The following ANK2 variants were observed in gnomAD, a reference collection of about 807,000 sequenced individuals.
ANK2 encodes ankyrin 2.
In ANK2, 83 loss-of-function variants were observed where a neutral mutation model predicts 360.5. The ratio of observed to expected loss-of-function variants is 0.23; its 90% CI spans 0.19 to 0.28. ANK2 has a LOEUF of 0.28. ANK2 is among the 10% of genes least tolerant of loss of function. The pLI, the probability that ANK2 is intolerant of heterozygous loss-of-function variation, is 1.00. For synonymous variants in ANK2, 1,740 were observed against 1,759.5 expected (o/e 0.99, Z 0.28); for missense variants, 4,201 against 4,795.7 (o/e 0.88, Z 3.66).
At chr4:112,895,177 G>T (rs906212791) in intron 1 of ANK2, among the ~76,000 whole-genome samples, 1 of 152,142 alleles carries the variant, frequency 6.6e-6, no homozygotes. Flanking sequence ...AATTTTTGTT[G>T]TGGTAAGCAT....
intron 1 of ANK2, among the ~76,000 whole-genome samples, chr4:112,878,160 A>ATCTATCTATCTATCTG (rs1385147100): frequency 6.6e-6 from 1 of 151,422 alleles, no homozygotes; most frequent in East Asian, 1.9e-4. Flanking sequence ...AGACTCATCT[A>ATCTATCTATCTATCTG]TCTATCTATC....
chr4:112,859,821 A>G (rs183704712), intron 1 of ANK2, among the ~76,000 whole-genome samples: 4 of 152,290 alleles, frequency 2.6e-5, no homozygotes, highest in Admixed American at 2.6e-4. Flanking sequence ...TTGTTTCCTG[A>G]ATTGATAACC....
intron 2 of ANK2, among the ~76,000 whole-genome samples, chr4:112,958,199 C>G (rs552592132): frequency 1.1e-3 from 163 of 152,066 alleles, no homozygotes; most frequent in Non-Finnish European, 1.9e-3. Flanking sequence ...GGGTGGCGGC[C>G]GGGCAGAGGC....
At chr4:113,321,446 C>A (rs1039142161) in intron 26 of ANK2, among the ~76,000 whole-genome samples, 2 of 152,138 alleles carry the variant, frequency 1.3e-5, no homozygotes, top group African/African-American at 4.8e-5. Flanking sequence ...TCTCTATTAG[C>A]GTCTCCAGTG....
In ANK2 at chr4:113,381,532, G is replaced by C. The variant is rs1309741411; in HGVS notation, c.*61G>C. On this transcript the variant is annotated 3_prime_UTR_variant, in exon 46 of 46. Coordinates refer to ENST00000357077, the MANE Select transcript of ANK2 (RefSeq NM_001148.6). Reference sequence around the variant, plus strand: ...AGCATGGAAAACGCATTGACTTGGAGCACCTGGAGGATGTACCAGAAGCAC... The same window carrying C: ...AGCATGGAAAACGCATTGACTTGGACCACCTGGAGGATGTACCAGAAGCAC... 5 of 1,613,548 alleles carry C rather than the reference G, an allele frequency of 3.1e-6. No homozygotes were observed. In the East Asian group the frequency reaches 1.1e-4, roughly 36 times the overall value.
intron 2 of ANK2, among the ~76,000 whole-genome samples, chr4:112,941,001 C>T (rs1054041779): frequency 1.3e-5 from 2 of 151,976 alleles, no homozygotes; most frequent in Non-Finnish European, 2.9e-5. Flanking sequence ...AAGATTCTGG[C>T]ATTTTTAAAG....
At chr4:112,904,379 A>T in intron 1 of ANK2, 1 of 873,636 alleles carries the variant, frequency 1.1e-6, no homozygotes, top group Non-Finnish European at 1.7e-6. Flanking sequence ...TTTTGATTTG[A>T]AATATGGAAA....
At chr4:113,136,221 A>G (rs960601551) in intron 1 of ANK2, among the ~76,000 whole-genome samples, 1 of 152,228 alleles carries the variant, frequency 6.6e-6, no homozygotes, top group African/African-American at 2.4e-5. Context: ...CAATTAAAAT[A>G]CAGGGTAACA....
intron 1 of ANK2, among the ~76,000 whole-genome samples, chr4:112,884,026 G>T (rs2077564948): frequency 6.6e-6 from 1 of 151,798 alleles, no homozygotes; most frequent in Non-Finnish European, 1.5e-5. Flanking sequence ...GCCAAATTTG[G>T]TCTCATAGCA....
rs1231179837 is a variant in ANK2 at position 113,331,908 on chromosome 4, G to T, written c.3126-64G>T. The T allele has an allele frequency of 2.0e-6, 3 of 1,463,852 alleles. No individual in the cohort carries two copies. The African/African-American group carries it at 4.2e-5, about 20-fold the overall frequency. The allele number at this position is 1,463,852 out of a possible 1,614,324, so 90.7% of individuals were successfully genotyped here. On this transcript the variant is annotated intron_variant, in intron 27 of 45. Transcript: ENST00000357077. ...GATCAGCTGGCGACGCTGGGGTTCT[G>T]TGGAAGACAATACCTGAAGCTTACC...
chr4:113,196,901 C>A (rs370193675), intron 3 of ANK2, among the ~76,000 whole-genome samples: 1 of 152,294 alleles, frequency 6.6e-6, no homozygotes, highest in Non-Finnish European at 1.5e-5. Context: ...AAAATTAAAA[C>A]CCCCTCCATT....
At chr4:112,866,746 C>T (rs559500921) in intron 1 of ANK2, among the ~76,000 whole-genome samples, 19 of 151,808 alleles carry the variant, frequency 1.3e-4, no homozygotes, top group African/African-American at 3.4e-4. Context: ...TAAATTTTTT[C>T]TTAGAAGTGA....
In ANK2 at chr4:113,169,899, A is replaced by G. The variant is rs1398250581; in HGVS notation, c.85-4517A>G. Among the ~76,000 whole-genome samples, 10 of 152,318 alleles carry G rather than the reference A, an allele frequency of 6.6e-5. No individual in the cohort carries two copies. The East Asian group carries it at 1.9e-3, about 29-fold the overall frequency. On this transcript the variant is annotated intron_variant, in intron 1 of 45. Coordinates refer to ENST00000357077, the MANE Select transcript of ANK2 (RefSeq NM_001148.6). Reference sequence around the variant, plus strand: ...CATAAATTTAATACAATGAATGGAAATGTCTGAAACTAAATTTAACATATT... The same window carrying G: ...CATAAATTTAATACAATGAATGGAAGTGTCTGAAACTAAATTTAACATATT...
At chr4:112,894,556 G>A in intron 1 of ANK2, among the ~76,000 whole-genome samples, 1 of 152,126 alleles carries the variant, frequency 6.6e-6, no homozygotes, top group East Asian at 1.9e-4. Context: ...TTATTATGAG[G>A]AACTAAACAT....
At chr4:113,288,920 G>A (rs2066136109) in intron 20 of ANK2, among the ~76,000 whole-genome samples, 1 of 152,092 alleles carries the variant, frequency 6.6e-6, no homozygotes, top group Non-Finnish European at 1.5e-5. Context: ...ACATCACATG[G>A]ACATGCTCAG....
At chr4:112,924,599 T>C (rs866907583) in intron 2 of ANK2, among the ~76,000 whole-genome samples, 7 of 151,846 alleles carry the variant, frequency 4.6e-5, no homozygotes, top group African/African-American at 1.7e-4. Context: ...TTAGATATTA[T>C]GTAGCCATTT....
chr4:112,932,491 C>CAAAA (rs750709290), intron 2 of ANK2, among the ~76,000 whole-genome samples: 1 of 54,590 alleles, frequency 1.8e-5, no homozygotes, highest in African/African-American at 6.5e-5. Flanking sequence ...GACTCCGTCT[C>CAAAA]AAAAAAAAAA....
At chr4:112,774,451 G>A in the ANK2 span, among the ~76,000 whole-genome samples, 1,933 of 152,214 alleles carry the variant, frequency 0.013, 49 homozygotes, top group African/African-American at 0.044. Flanking sequence ...GCGTGAACCC[G>A]CGTGGCAGAG....
chr4:113,348,220 T>C, intron 35 of ANK2, 56 bp from the exon 36 acceptor site: 1 of 1,564,082 alleles, frequency 6.4e-7, no homozygotes, highest in Non-Finnish European at 8.8e-7. Flanking sequence ...TTCTAAATAC[T>C]CTCTACTCTT....
Sources: gnomAD v4.1 joint callset for allele counts (sites outside exome capture counted in the v4.1 genomes callset) on GRCh38, gnomAD v4.1.1 for gene constraint, MANE v1.5 for transcripts, NCBI Gene and HGNC (gene_info 2026-07-23, HGNC 2026-07-21) for gene names.